ZBTB20: variants seen among roughly 807,000 people sequenced by gnomAD.
ZBTB20 encodes zinc finger and BTB domain containing 20, also known as zinc finger and BTB domain-containing protein 20.
A neutral mutation model predicts 56.9 loss-of-function variants in ZBTB20; 9 were observed. The observed-to-expected ratio is 0.16, with a 90% CI of 0.10 to 0.28. ZBTB20 has a LOEUF of 0.28. Among genes scored for constraint, ZBTB20 ranks in the 10% least tolerant of loss-of-function variants. The pLI is 1.00. For synonymous variants in ZBTB20, 417 were observed against 420.7 expected, an observed-to-expected ratio of 0.99 and a Z score of 0.11; for missense variants, 655 against 1,003.0, an observed-to-expected ratio of 0.65 and a Z score of 4.69.
In ZBTB20 at chr3:114,801,154, C is replaced by G. The variant is rs1263807543; in HGVS notation, c.-396G>C. ...TTTTAAGGTGCAGTGATTTCAGTCT[C>G]TAAATGTAACTTCAGGCAGTCTGAA... is the stretch of plus-strand genomic sequence containing the variant. On this transcript the variant is annotated 5_prime_UTR_variant, in exon 5 of 12. Coordinates refer to ENST00000675478, the MANE Select transcript of ZBTB20 (RefSeq NM_001348800.3). 1 of 152,086 alleles carries G rather than the reference C, an allele frequency of 6.6e-6. No individual in the cohort carries two copies. The highest frequency in any genetic ancestry group is 1.5e-5 in the Non-Finnish European group (1 of 67,822). The allele number at this position is 152,086 out of a possible 1,614,324, so 9.4% of individuals were successfully genotyped here.
At chr3:114,703,772 T>G (rs1053270400) in intron 5 of ZBTB20, among the ~76,000 whole-genome samples, 3 of 152,212 alleles carry the variant, frequency 2.0e-5, no homozygotes, top group Non-Finnish European at 4.4e-5. Context: ...ATGGTCACTT[T>G]AGCCTGAGAT....
chr3:115,025,676 C>G (rs1357821178), intron 2 of ZBTB20, among the ~76,000 whole-genome samples: 1 of 150,392 alleles, frequency 6.6e-6, no homozygotes, highest in Non-Finnish European at 1.5e-5. Context: ...TATCTGTGGA[C>G]CTGGGATTCC....
chr3:115,045,073 A>C (rs115612523), intron 2 of ZBTB20, among the ~76,000 whole-genome samples: 1 of 152,202 alleles, frequency 6.6e-6, no homozygotes, highest in Non-Finnish European at 1.5e-5. Flanking sequence ...AGCAAATCAT[A>C]CTTAGCATTC....
At chr3:114,545,079 G>A (rs946936777) in intron 6 of ZBTB20, among the ~76,000 whole-genome samples, 1 of 152,094 alleles carries the variant, frequency 6.6e-6, no homozygotes, top group African/African-American at 2.4e-5. Context: ...CTTCCTGGGG[G>A]CATTATCCAT....
chr3:114,626,195 G>A (rs1050263541), intron 6 of ZBTB20, among the ~76,000 whole-genome samples: 1 of 152,122 alleles, frequency 6.6e-6, no homozygotes, highest in African/African-American at 2.4e-5. Flanking sequence ...AGATGTATAT[G>A]GGTAAGGAAA....
Position 114,350,687 on chromosome 3 carries a change from G to A in ZBTB20, c.1391C>T (p.Thr464Met), listed in dbSNP as rs998700576. The A allele has an allele frequency of 1.9e-6, 3 of 1,614,092 alleles. No homozygotes were observed. Among genetic ancestry groups the A allele is most frequent in the East Asian group, 2.2e-5 (1 of 44,886 alleles). ...ACTTGGCAATGGCTGCCCGATGGAC[G>A]TGTTGACCGAAGGCTGTTGTAGGAC... Reference protein sequence around the residue: ...KSVLQQPSVNTSIGQPLPSTQ... With the variant: ...KSVLQQPSVNMSIGQPLPSTQ... Residue 464 changes from threonine (T) to methionine (M), a missense_variant, in exon 11 of 12, where the codon ACG becomes ATG. Thr to Met is a moderately conservative substitution (Grantham distance 81, BLOSUM62 -1). Around this residue, in one of 10 missense-constraint regions of ZBTB20, gnomAD observed 156 missense variants for 181.0 expected, o/e 0.86. Coordinates refer to ENST00000675478, the MANE Select transcript of ZBTB20 (RefSeq NM_001348800.3).
chr3:114,488,242 G>C lies in ZBTB20; in HGVS notation c.-255+12110C>G, dbSNP rs557621559. Among the ~76,000 whole-genome samples, 21 of 152,320 alleles carry C rather than the reference G, an allele frequency of 1.4e-4. No homozygotes were observed. The South Asian group carries it at 2.1e-3, about 15-fold the overall frequency. On this transcript the variant is annotated intron_variant, in intron 7 of 11. Transcript: ENST00000675478. The stretch of plus-strand genomic sequence containing the variant: ...AGCATAAGAAGCAGAGCTTGAGGTG[G>C]CCTTGGAGGACTTCAGGGAGCACTG...
intron 5 of ZBTB20, among the ~76,000 whole-genome samples, chr3:114,784,178 G>T (rs1460293725): frequency 6.6e-6 from 1 of 152,136 alleles, no homozygotes; most frequent in Non-Finnish European, 1.5e-5. Context: ...TGGAGGAATA[G>T]AACTTTTTTT....
intron 6 of ZBTB20, among the ~76,000 whole-genome samples, chr3:114,675,050 CAT>C (rs998730054): frequency 2.7e-5 from 4 of 147,782 alleles, no homozygotes; most frequent in Admixed American, 6.8e-5. Flanking sequence ...ATCTATCTTT[CAT>C]ATATATATAT....
In ZBTB20 at chr3:114,360,630, C is replaced by T. The variant is rs560845718; in HGVS notation, c.200-8752G>A. On this transcript the variant is annotated intron_variant, in intron 10 of 11. Coordinates refer to ENST00000675478, the MANE Select transcript of ZBTB20 (RefSeq NM_001348800.3). The stretch of plus-strand genomic sequence containing the variant: ...CCTCCCAAAGTGCTGGGATTACAGG[C>T]GTGAGCCACTGTGCCCGGCCAATTT... Among the ~76,000 whole-genome samples, 4 of 152,008 alleles carry T rather than the reference C, an allele frequency of 2.6e-5. No individual in the cohort carries two copies. In the East Asian group the frequency reaches 5.8e-4, roughly 22 times the overall value.
At chr3:114,481,878 T>C (rs573138358) in intron 7 of ZBTB20, among the ~76,000 whole-genome samples, 65 of 152,268 alleles carry the variant, frequency 4.3e-4, no homozygotes, top group Middle Eastern at 6.8e-3. Flanking sequence ...CTGGTGATGA[T>C]GATGATGCAA....
intron 3 of ZBTB20, among the ~76,000 whole-genome samples, chr3:114,932,661 T>A (rs757042723): frequency 6.6e-6 from 1 of 152,188 alleles, no homozygotes; most frequent in Non-Finnish European, 1.5e-5. Context: ...AGATCTAAGA[T>A]GAGAATTTTA....
intron 7 of ZBTB20, among the ~76,000 whole-genome samples, chr3:114,463,141 T>C (rs2092402403): frequency 6.6e-6 from 1 of 152,202 alleles, no homozygotes; most frequent in African/African-American, 2.4e-5. Context: ...AAAATATGAA[T>C]AATATGTGCC....
chr3:115,118,912 C>T (rs2084101338), intron 1 of ZBTB20, among the ~76,000 whole-genome samples: 1 of 151,744 alleles, frequency 6.6e-6, no homozygotes, highest in Admixed American at 6.6e-5. Context: ...CTTTTAATAG[C>T]TATTATGATT....
chr3:114,922,860 G>A (rs2076012698), intron 3 of ZBTB20, among the ~76,000 whole-genome samples: 1 of 152,090 alleles, frequency 6.6e-6, no homozygotes, highest in Non-Finnish European at 1.5e-5. Flanking sequence ...AACCACTTAT[G>A]AGGAAACTAC....
chr3:114,526,935 A>C (rs1234192396), intron 6 of ZBTB20, among the ~76,000 whole-genome samples: 5 of 151,982 alleles, frequency 3.3e-5, no homozygotes, highest in African/African-American at 1.2e-4. Context: ...CCCCTCCTCC[A>C]GATCTTTTTT....
intron 6 of ZBTB20, among the ~76,000 whole-genome samples, chr3:114,546,489 G>C (rs1199119846): frequency 6.6e-6 from 1 of 151,878 alleles, no homozygotes; most frequent in African/African-American, 2.4e-5. Flanking sequence ...CATTCTGAAG[G>C]TTCTAGTCTG....
chr3:115,040,260 AC>A (rs2081086952), intron 2 of ZBTB20, among the ~76,000 whole-genome samples: 1 of 152,168 alleles, frequency 6.6e-6, no homozygotes, highest in Non-Finnish European at 1.5e-5. Context: ...AAAGTGGCAT[AC>A]AAAAAGAAAG....
chr3:115,035,466 C>T (rs1164824910), intron 2 of ZBTB20, among the ~76,000 whole-genome samples: 3 of 151,882 alleles, frequency 2.0e-5, no homozygotes, highest in Non-Finnish European at 4.4e-5. Flanking sequence ...AGATGTTCAA[C>T]ATGACTAATC....
Sources: gnomAD v4.1 joint callset for allele counts (sites outside exome capture counted in the v4.1 genomes callset) on GRCh38, gnomAD v4.1.1 for gene constraint, gnomAD v4.1.1 regional missense constraint, MANE v1.5 for transcripts, NCBI Gene and HGNC (gene_info 2026-07-23, HGNC 2026-07-21) for gene names.